The following NFATC2 variants were observed in gnomAD, a reference collection of about 807,000 sequenced individuals.
NFATC2 encodes nuclear factor of activated T cells 2, also known as nuclear factor of activated T-cells, cytoplasmic 2.
Under a neutral mutation model 87.3 loss-of-function variants are expected in NFATC2, and 22 were observed. The observed-to-expected ratio is 0.25, with a 90% CI of 0.18 to 0.36. The LOEUF is 0.36. Among genes scored for constraint, NFATC2 ranks in the 10% least tolerant of loss-of-function variants. The pLI is 1.00. For missense variants in NFATC2, 1,149 were observed against 1,259.1 expected (o/e 0.91, Z 1.32); for synonymous variants, 565 against 542.2 (o/e 1.04, Z -0.58).
intron 3 of NFATC2, among the ~76,000 whole-genome samples, chr20:51,507,664 C>T (rs986685024): frequency 6.6e-6 from 1 of 152,222 alleles, no homozygotes; most frequent in African/African-American, 2.4e-5. Context: ...CCAAAGCTAC[C>T]AAACCCTAGA....
intron 3 of NFATC2, among the ~76,000 whole-genome samples, chr20:51,477,405 A>G (rs1295786383): frequency 6.6e-6 from 1 of 151,644 alleles, no homozygotes; most frequent in Admixed American, 6.6e-5. Context: ...GAAGCTCAAG[A>G]TTGAGAAGGT....
chr20:51,438,407 G>A (rs1157310701), intron 6 of NFATC2, among the ~76,000 whole-genome samples: 5 of 138,752 alleles, frequency 3.6e-5, no homozygotes, highest in Non-Finnish European at 6.1e-5. Flanking sequence ...GCTACCAACA[G>A]CATCATTTCT....
chr20:51,433,556 C>T (rs1341870736), intron 8 of NFATC2, among the ~76,000 whole-genome samples: 1 of 152,196 alleles, frequency 6.6e-6, no homozygotes, highest in Non-Finnish European at 1.5e-5. Context: ...ATGACTACCA[C>T]TTGTGTTGTC....
At position 51,432,312 on chromosome 20, in the gene NFATC2, T is replaced by C; in HGVS notation, c.2477A>G (p.Gln826Arg). 1.2e-6 allele frequency: 2 copies of C among 1,614,232 alleles called. No homozygotes were observed. The highest frequency in any genetic ancestry group is 1.7e-6 in the Non-Finnish European group (2 of 1,180,042). ...TNQQLRCGSH[Q>R]EFQHIMYCEN... ...GCAGTACATGATGTGCTGGAACTCC[T>C]GGTGGCTTCCGCAGCGCAGCTGCTG... Residue 826 changes from glutamine (Q) to arginine (R), a missense_variant, in exon 9 of 11, where the codon CAG becomes CGG. Physicochemically the swap from Gln to Arg is conservative, Grantham distance 43. Transcript: ENST00000371564. The surrounding 1 kb of genome is among the most constrained non-coding windows in gnomAD (Gnocchi z 4.6).
intron 1 of NFATC2, 89 bp downstream of exon 1, chr20:51,542,281 G>A (rs1198242468): frequency 2.0e-6 from 3 of 1,467,646 alleles, no homozygotes; most frequent in Non-Finnish European, 1.8e-6. Flanking sequence ...GAAGGGGGAC[G>A]GCTGGAGCCA....
chr20:51,488,825 T>C (rs2075829267), intron 3 of NFATC2, among the ~76,000 whole-genome samples: 1 of 152,194 alleles, frequency 6.6e-6, no homozygotes, highest in Non-Finnish European at 1.5e-5. Flanking sequence ...GCCAGAGGGA[T>C]CTTTTAAAAG....
chr20:51,422,448 G>A (rs1186192267), intron 9 of NFATC2, among the ~76,000 whole-genome samples: 2 of 151,956 alleles, frequency 1.3e-5, no homozygotes, highest in Non-Finnish European at 2.9e-5. Flanking sequence ...CCAGCCCTGC[G>A]TCTATTCACA....
rs1466717177 is a variant in NFATC2 at position 51,505,037 on chromosome 20, G to A, written c.1332+11747C>T. Among the ~76,000 whole-genome samples, 28 of 111,058 alleles carry A rather than the reference G, an allele frequency of 2.5e-4. No individual in the cohort carries two copies. The East Asian group carries it at 5.8e-3, about 23-fold the overall frequency. The allele number at this position is 111,058 out of a possible 152,430, so 72.9% of individuals were successfully genotyped here. On this transcript the variant is annotated intron_variant, in intron 3 of 10. Transcript: ENST00000371564. ...TTTTTTTTTTTTTTTTTTTTGAGAC[G>A]GAGTCTCGCTCTGTCACCCAGGCTG...
At chr20:51,485,617 T>A (rs1228134079) in intron 3 of NFATC2, among the ~76,000 whole-genome samples, 1 of 152,090 alleles carries the variant, frequency 6.6e-6, no homozygotes, top group African/African-American at 2.4e-5. Flanking sequence ...AACACTGAGA[T>A]CAAGAGTCTG....
chr20:51,398,959 A>C, intron 9 of NFATC2: 2 of 477,330 alleles, frequency 4.2e-6, no homozygotes, highest in Non-Finnish European at 3.8e-6. Flanking sequence ...GCATTACATT[A>C]TGTGGGGTGT....
chr20:51,468,486 C>G lies in NFATC2; in HGVS notation c.1708+5494G>C, dbSNP rs76639686. Among the ~76,000 whole-genome samples, 481 of 152,306 alleles carry G rather than the reference C, an allele frequency of 3.2e-3. 9 individuals carry two copies. In the South Asian group the frequency reaches 0.053, roughly 17 times the overall value. On this transcript the variant is annotated intron_variant, in intron 5 of 10. Transcript: ENST00000371564. ...CAGGGCTTTGTGTGAAATTGCTTTA[C>G]GTGTTTTCTGAAATACACGGAGCAG...
At chr20:51,496,862 A>T (rs2075997242) in intron 3 of NFATC2, among the ~76,000 whole-genome samples, 1 of 152,130 alleles carries the variant, frequency 6.6e-6, no homozygotes, top group Non-Finnish European at 1.5e-5. Flanking sequence ...GCAAGAATTG[A>T]TCTCATTTCT....
At chr20:51,416,898 T>C (rs1420473120) in intron 9 of NFATC2, among the ~76,000 whole-genome samples, 1 of 152,092 alleles carries the variant, frequency 6.6e-6, no homozygotes, top group African/African-American at 2.4e-5. Context: ...TTAGCGCTGG[T>C]TGAATGTGAG....
At chr20:51,461,071 G>A (rs1428131875) in intron 5 of NFATC2, among the ~76,000 whole-genome samples, 2 of 152,206 alleles carry the variant, frequency 1.3e-5, no homozygotes, top group Non-Finnish European at 2.9e-5. Flanking sequence ...AGAGAACCCA[G>A]AGGCAAAGCA....
rs745448420 is a variant in NFATC2, at chr20:51,454,694, G to T, written c.1709-6C>A. 1 of 1,613,600 alleles carries T rather than the reference G, an allele frequency of 6.2e-7. No individual in the cohort carries two copies. Among genetic ancestry groups the T allele is most frequent in the Admixed American group, 1.7e-5 (1 of 59,968 alleles). ...CTCGTGAGCAGATCGCTGGGCTGCAGGCAAAAGAGAGAGAAGTCACTGTGA... is the reference window on the plus strand; with the variant it reads ...CTCGTGAGCAGATCGCTGGGCTGCATGCAAAAGAGAGAGAAGTCACTGTGA... On this transcript the variant is annotated splice_region_variant and splice_polypyrimidine_tract_variant and intron_variant, in intron 5 of 10. Transcript: ENST00000371564.
chr20:51,420,604 T>C (rs1456138125), intron 9 of NFATC2, among the ~76,000 whole-genome samples: 1 of 152,148 alleles, frequency 6.6e-6, no homozygotes, highest in African/African-American at 2.4e-5. Context: ...GAAGAACCTC[T>C]AGATTTAATC....
chr20:51,501,534 G>A (rs770648631), intron 3 of NFATC2, among the ~76,000 whole-genome samples: 1 of 152,146 alleles, frequency 6.6e-6, no homozygotes, highest in Non-Finnish European at 1.5e-5. Context: ...TTCCTACCAC[G>A]CTGGCTCCCA....
intron 2 of NFATC2, among the ~76,000 whole-genome samples, chr20:51,521,680 T>A (rs2076448115): frequency 1.3e-5 from 2 of 152,208 alleles, no homozygotes; most frequent in South Asian, 4.1e-4. Context: ...AAATAAAAAA[T>A]AACCTGAAAA....
chr20:51,532,381 CACCCTG>C (rs2076647750), intron 1 of NFATC2, among the ~76,000 whole-genome samples: 1 of 152,070 alleles, frequency 6.6e-6, no homozygotes, highest in Non-Finnish European at 1.5e-5. Context: ...TGGATGGCGA[CACCCTG>C]ACCCTGACAC....
Sources: gnomAD v4.1 joint callset for allele counts (sites outside exome capture counted in the v4.1 genomes callset) on GRCh38, gnomAD v4.1.1 for gene constraint, Gnocchi (gnomAD v3.1) non-coding constraint, MANE v1.5 for transcripts, NCBI Gene and HGNC (gene_info 2026-07-23, HGNC 2026-07-21) for gene names.